The following TSPEAR variants were observed in gnomAD, a reference collection of about 807,000 sequenced individuals.
TSPEAR encodes the protein thrombospondin-type laminin G domain and EAR repeat-containing protein.
A neutral mutation model predicts 71.6 loss-of-function variants in TSPEAR; 69 were observed. That is an observed-to-expected ratio of 0.96 (90% confidence interval 0.79 to 1.18). The LOEUF is 1.18. TSPEAR is among the 50% of genes most tolerant of loss of function. The probability of loss-of-function intolerance (pLI) is 0.00; values close to 1 mark genes in which losing one functional copy is unlikely to be tolerated. For synonymous variants in TSPEAR, 402 were observed against 387.2 expected, an observed-to-expected ratio of 1.04 and a Z score of -0.45; for missense variants, 971 against 894.9, an observed-to-expected ratio of 1.09 and a Z score of -1.09.
intron 9 of TSPEAR, among the ~76,000 whole-genome samples, chr21:44,516,811 T>G (rs2052586908): frequency 6.6e-6 from 1 of 152,210 alleles, no homozygotes; most frequent in Non-Finnish European, 1.5e-5. Flanking sequence ...GGACCTGTGA[T>G]CTATGTACGC....
At chr21:44,681,645 C>CT in intron 1 of TSPEAR, 1 of 751,754 alleles carries the variant, frequency 1.3e-6, no homozygotes, top group Non-Finnish European at 2.1e-6. Context: ...CCAGACTTCC[C>CT]TGGGGGGATA....
intron 1 of TSPEAR, chr21:44,676,074 G>A: frequency 2.3e-6 from 2 of 878,612 alleles, no homozygotes; most frequent in Non-Finnish European, 3.9e-6. Context: ...GCATATGACA[G>A]TAATTTAAAC....
At chr21:44,665,999 C>T (rs111656745) in intron 1 of TSPEAR, among the ~76,000 whole-genome samples, 1 of 152,168 alleles carries the variant, frequency 6.6e-6, no homozygotes, top group South Asian at 2.1e-4. Context: ...GGCCACTGCA[C>T]CTGGGCCCCA....
At chr21:44,569,037 G>A (rs781888022) in intron 1 of TSPEAR, among the ~76,000 whole-genome samples, 2 of 152,174 alleles carry the variant, frequency 1.3e-5, no homozygotes, top group African/African-American at 2.4e-5. Context: ...CTGCCTGCAC[G>A]TGGCAGGGCC....
At chr21:44,530,720 C>G (rs8134306) in intron 4 of TSPEAR, among the ~76,000 whole-genome samples, 16,118 of 152,260 alleles carry the variant, frequency 0.11, 2,730 homozygotes, top group African/African-American at 0.35. Context: ...GAGCAGACAC[C>G]CAGCTGGCCT....
intron 1 of TSPEAR, among the ~76,000 whole-genome samples, chr21:44,576,568 T>C (rs1978469250): frequency 6.6e-6 from 1 of 152,186 alleles, no homozygotes; most frequent in South Asian, 2.1e-4. Context: ...CACAACTCAA[T>C]GTGTTGATTG....
chr21:44,707,722 T>C (rs1555952753), intron 1 of TSPEAR, among the ~76,000 whole-genome samples: 1 of 152,082 alleles, frequency 6.6e-6, no homozygotes. Context: ...GGTCCTTAAC[T>C]CTGAGATTTG....
At chr21:44,564,219 A>G (rs1247996998) in intron 2 of TSPEAR, among the ~76,000 whole-genome samples, 1 of 152,222 alleles carries the variant, frequency 6.6e-6, no homozygotes, top group Admixed American at 6.5e-5. Flanking sequence ...GAGATTACAA[A>G]TTAATTTTAG....
At chr21:44,646,906 G>T in intron 1 of TSPEAR, 2 of 1,613,278 alleles carry the variant, frequency 1.2e-6, no homozygotes, top group South Asian at 2.2e-5. Flanking sequence ...CTGTGTGCCC[G>T]TCTGCTGCAA....
At chr21:44,504,266 CAG>C (rs2052135990) in intron 11 of TSPEAR, among the ~76,000 whole-genome samples, 1 of 121,758 alleles carries the variant, frequency 8.2e-6, no homozygotes, top group South Asian at 2.8e-4. Context: ...GGTGAGCCCT[CAG>C]GGGGAAGCAG....
At chr21:44,560,924 T>C (rs1555920942) in intron 2 of TSPEAR, among the ~76,000 whole-genome samples, 1 of 152,018 alleles carries the variant, frequency 6.6e-6, no homozygotes. Flanking sequence ...TTAAAAGAAC[T>C]AGAGAAGCAA....
intron 1 of TSPEAR, among the ~76,000 whole-genome samples, chr21:44,704,884 G>A (rs557071220): frequency 4.6e-5 from 7 of 152,240 alleles, no homozygotes; most frequent in South Asian, 2.1e-4. Flanking sequence ...CTCCGGGAGC[G>A]CAGTTTAACT....
At position 44,601,504 on chromosome 21, in the gene TSPEAR, C is replaced by A. The variant is rs782290027; in HGVS notation, c.83-33499G>T. On this transcript the variant is annotated intron_variant, in intron 1 of 11. Transcript: ENST00000323084. ...ATGCTGCCAGCAGTCTAGCTGCCAG[C>A]CGGCTTGCTGCACCACCTCCTGCTG... 1.2e-5 allele frequency: 19 copies of A among 1,612,726 alleles called. No individual in the cohort carries two copies. In the East Asian group the frequency reaches 2.0e-4, roughly 17 times the overall value.
At chr21:44,671,563 T>C (rs1555945924) in intron 1 of TSPEAR, among the ~76,000 whole-genome samples, 1 of 152,230 alleles carries the variant, frequency 6.6e-6, no homozygotes, top group African/African-American at 2.4e-5. Flanking sequence ...ACAGCCAAGC[T>C]GCTGAGGAAA....
intron 1 of TSPEAR, chr21:44,601,512 C>T: frequency 6.2e-7 from 1 of 1,613,192 alleles, no homozygotes; most frequent in Non-Finnish European, 8.5e-7. Context: ...AGCCGGCTTG[C>T]TGCACCACCT....
intron 1 of TSPEAR, among the ~76,000 whole-genome samples, chr21:44,621,449 C>T (rs897796733): frequency 6.6e-6 from 1 of 152,318 alleles, no homozygotes; most frequent in African/African-American, 2.4e-5. Flanking sequence ...CAGCCCCCGC[C>T]GATCAGTCTG....
intron 1 of TSPEAR, among the ~76,000 whole-genome samples, chr21:44,655,912 AG>A (rs1281935696): frequency 6.6e-6 from 1 of 152,124 alleles, no homozygotes; most frequent in Non-Finnish European, 1.5e-5. Context: ...CCTGCCAAGA[AG>A]CCTTCAGACA....
At chr21:44,592,531 C>A in intron 1 of TSPEAR, 1 of 1,561,220 alleles carries the variant, frequency 6.4e-7, no homozygotes, top group Non-Finnish European at 8.7e-7. Context: ...CTGTGAGGTG[C>A]TGAGGCTCTC....
At chr21:44,703,025 C>A (rs1218319486) in intron 1 of TSPEAR, among the ~76,000 whole-genome samples, 1 of 152,172 alleles carries the variant, frequency 6.6e-6, no homozygotes, top group African/African-American at 2.4e-5. Context: ...CCCGGGTGTT[C>A]CCTGGTGGAA....
Sources: gnomAD v4.1 joint callset for allele counts (sites outside exome capture counted in the v4.1 genomes callset) on GRCh38, gnomAD v4.1.1 for gene constraint, MANE v1.5 for transcripts, NCBI Gene and HGNC (gene_info 2026-07-23, HGNC 2026-07-21) for gene names.